SYN3: variants seen among roughly 807,000 people sequenced by gnomAD.
SYN3 encodes synapsin-3.
Under a neutral mutation model 65.8 loss-of-function variants are expected in SYN3, and 35 were observed. The ratio of observed to expected loss-of-function variants is 0.53; its 90% CI spans 0.41 to 0.70. SYN3 has a LOEUF of 0.70. Among genes scored for constraint, SYN3 ranks in the 30% least tolerant of loss-of-function variants. SYN3 has a pLI of 0.00. For synonymous variants in SYN3, 270 were observed against 292.9 expected, an observed-to-expected ratio of 0.92 and a Z score of 0.80; for missense variants, 680 against 749.0, an observed-to-expected ratio of 0.91 and a Z score of 1.08.
rs575749600 is a variant in SYN3, at chr22:32,755,947, C to T, written c.711+108968G>A. Among the ~76,000 whole-genome samples the T allele has an allele frequency of 1.5e-4, 23 of 152,126 alleles. No individual in the cohort carries two copies. The South Asian group carries it at 4.8e-3, about 32-fold the overall frequency. ...GGACATGGATGAAGCTGGAAACCAT[C>T]ATTCTCAGCAAACTAACACAGGAAC... On this transcript the variant is annotated intron_variant, in intron 6 of 13. Transcript: ENST00000358763.
At chr22:32,570,513 T>TCAA (rs2058744750) in intron 7 of SYN3, among the ~76,000 whole-genome samples, 1 of 150,524 alleles carries the variant, frequency 6.6e-6, no homozygotes. Flanking sequence ...TGTGCATGTT[T>TCAA]CTCTCCCAGG....
intron 1 of SYN3, among the ~76,000 whole-genome samples, chr22:33,014,805 G>A (rs1239013387): frequency 6.6e-6 from 1 of 152,168 alleles, no homozygotes; most frequent in Non-Finnish European, 1.5e-5. Flanking sequence ...CGCAGTCGAA[G>A]GACAAGAGTC....
intron 4 of SYN3, among the ~76,000 whole-genome samples, chr22:32,909,787 G>A (rs933099568): frequency 2.0e-5 from 3 of 152,104 alleles, no homozygotes; most frequent in Non-Finnish European, 4.4e-5. Context: ...CGACCATCAC[G>A]GCGAGAGACA....
chr22:32,516,510 T>A (rs997161293), intron 13 of SYN3, among the ~76,000 whole-genome samples: 1 of 152,076 alleles, frequency 6.6e-6, no homozygotes, highest in Admixed American at 6.5e-5. Context: ...ACTACAGGCG[T>A]GCACCAGCAC....
chr22:32,846,174 T>C (rs999036343), intron 6 of SYN3, among the ~76,000 whole-genome samples: 3 of 152,248 alleles, frequency 2.0e-5, no homozygotes, highest in African/African-American at 7.2e-5. Flanking sequence ...CTTGTTTGGC[T>C]GGTCTTAGTA....
At chr22:32,759,374 G>T (rs1297061628) in intron 6 of SYN3, among the ~76,000 whole-genome samples, 4 of 152,162 alleles carry the variant, frequency 2.6e-5, no homozygotes, top group Non-Finnish European at 5.9e-5. Flanking sequence ...CCCAGGATAT[G>T]TACAAGGGGC....
At chr22:32,922,888 G>T (rs2050371643) in intron 4 of SYN3, among the ~76,000 whole-genome samples, 1 of 152,186 alleles carries the variant, frequency 6.6e-6, no homozygotes, top group South Asian at 2.1e-4. Flanking sequence ...CAGAAGGAAT[G>T]GAAGCTGGAG....
intron 2 of SYN3, among the ~76,000 whole-genome samples, chr22:32,995,664 C>G (rs1170235209): frequency 6.6e-6 from 1 of 151,594 alleles, no homozygotes; most frequent in Non-Finnish European, 1.5e-5. Flanking sequence ...CAGACTGAAG[C>G]TGCTTTTTTT....
At chr22:32,758,430 AC>A (rs1439416113) in intron 6 of SYN3, among the ~76,000 whole-genome samples, 2 of 151,562 alleles carry the variant, frequency 1.3e-5, no homozygotes, top group African/African-American at 4.8e-5. Flanking sequence ...AGACAGACCC[AC>A]CCTTAATCTG....
At chr22:32,748,874 G>A (rs966565349) in intron 6 of SYN3, among the ~76,000 whole-genome samples, 2 of 152,264 alleles carry the variant, frequency 1.3e-5, no homozygotes, top group East Asian at 1.9e-4. Flanking sequence ...CCCATGGCAC[G>A]GTTCTGGCTT....
intron 3 of SYN3, among the ~76,000 whole-genome samples, chr22:32,961,806 A>G (rs2051661337): frequency 6.6e-6 from 1 of 152,198 alleles, no homozygotes; most frequent in Non-Finnish European, 1.5e-5. Flanking sequence ...CTTACATCCA[A>G]AGTTCCCTTA....
chr22:32,685,426 G>A (rs2060576903), intron 6 of SYN3, among the ~76,000 whole-genome samples: 1 of 152,166 alleles, frequency 6.6e-6, no homozygotes, highest in African/African-American at 2.4e-5. Flanking sequence ...GTGATGAACC[G>A]CATATACAAC....
At chr22:32,780,433 C>A (rs1306000234) in intron 6 of SYN3, among the ~76,000 whole-genome samples, 1 of 152,174 alleles carries the variant, frequency 6.6e-6, no homozygotes, top group African/African-American at 2.4e-5. Flanking sequence ...CGCTGTTGGC[C>A]GCTCTGGTTT....
intron 6 of SYN3, among the ~76,000 whole-genome samples, chr22:32,691,025 T>C (rs1444076395): frequency 6.6e-6 from 1 of 152,122 alleles, no homozygotes; most frequent in Non-Finnish European, 1.5e-5. Context: ...AGAGAGAGCT[T>C]GGGGTGACAC....
intron 13 of SYN3, 149 bp downstream of exon 13, chr22:32,517,894 T>A (rs1388454851): frequency 3.6e-6 from 3 of 832,674 alleles, no homozygotes; most frequent in Non-Finnish European, 5.0e-6. Context: ...CAGCAAATTC[T>A]GTCCTCTAGT....
chr22:32,784,999 C>T (rs2046155906), intron 6 of SYN3: 1 of 151,750 alleles, frequency 6.6e-6, no homozygotes, highest in African/African-American at 2.4e-5. Context: ...TCACTTGGTA[C>T]AAGTGATGGT....
At chr22:32,534,193 G>A (rs993397130) in intron 9 of SYN3, among the ~76,000 whole-genome samples, 2 of 152,154 alleles carry the variant, frequency 1.3e-5, no homozygotes, top group African/African-American at 4.8e-5. Flanking sequence ...GGCAGGGAGA[G>A]AAGGAACCAG....
chr22:32,822,478 G>A (rs1360216678), intron 6 of SYN3, among the ~76,000 whole-genome samples: 1 of 152,192 alleles, frequency 6.6e-6, no homozygotes, highest in Non-Finnish European at 1.5e-5. Flanking sequence ...TCTGGGGAGG[G>A]AAGTATGTTC....
At chr22:32,794,243 T>G (rs2046381364) in intron 6 of SYN3, among the ~76,000 whole-genome samples, 1 of 152,220 alleles carries the variant, frequency 6.6e-6, no homozygotes, top group South Asian at 2.1e-4. Flanking sequence ...CACAGCAACC[T>G]TCTGAGGAGA....
Sources: allele counts gnomAD v4.1 joint callset (sites outside exome capture counted in the v4.1 genomes callset), GRCh38; gene constraint gnomAD v4.1.1; transcripts MANE v1.5; gene names NCBI Gene and HGNC (gene_info 2026-07-23, HGNC 2026-07-21).